Variants in CABIN1 observed in about 807,000 individuals in gnomAD.
CABIN1 encodes the protein calcineurin-binding protein cabin-1.
In CABIN1, 133 loss-of-function variants were observed where a neutral mutation model predicts 227.7. The observed-to-expected ratio is 0.58, with a 90% CI of 0.51 to 0.67. CABIN1 has a LOEUF of 0.67. Among genes scored for constraint, CABIN1 ranks in the 30% least tolerant of loss-of-function variants. The probability of loss-of-function intolerance (pLI) is 0.00; values close to 1 mark genes in which losing one functional copy is unlikely to be tolerated. For missense variants in CABIN1, 2,408 were observed against 2,852.5 expected (o/e 0.84, Z 3.55); for synonymous variants, 1,086 against 1,155.1 (o/e 0.94, Z 1.21).
intron 29 of CABIN1, among the ~76,000 whole-genome samples, chr22:24,150,142 G>A (rs1295043379): frequency 6.6e-6 from 1 of 152,200 alleles, no homozygotes; most frequent in Non-Finnish European, 1.5e-5. Flanking sequence ...GTAAGAGGGA[G>A]GGCTCCAACT....
intron 29 of CABIN1, among the ~76,000 whole-genome samples, chr22:24,134,879 A>G (rs542996449): frequency 5.3e-5 from 8 of 151,912 alleles, no homozygotes; most frequent in Admixed American, 1.3e-4. Flanking sequence ...GGAGTTCGAG[A>G]CCAGCCTGGC....
intron 26 of CABIN1, among the ~76,000 whole-genome samples, chr22:24,106,207 C>T (rs1326331524): frequency 6.6e-6 from 1 of 152,208 alleles, no homozygotes; most frequent in African/African-American, 2.4e-5. Flanking sequence ...GGGGTCCTAC[C>T]CCAGAGAAGA....
intron 27 of CABIN1, 113 bp downstream of exon 27, chr22:24,113,861 T>A (rs1375631325): frequency 8.9e-7 from 1 of 1,121,916 alleles, no homozygotes; most frequent in African/African-American, 1.5e-5. Context: ...ACTTACTCCC[T>A]GGGCCTCCAT....
intron 1 of CABIN1, among the ~76,000 whole-genome samples, chr22:24,030,906 CAAAG>C (rs2036447024): frequency 6.6e-6 from 1 of 152,166 alleles, no homozygotes; most frequent in African/African-American, 2.4e-5. Flanking sequence ...GTCCTGGAGA[CAAAG>C]AAGCATATGC....
chr22:24,170,658 A>G (rs1430042845), intron 33 of CABIN1, among the ~76,000 whole-genome samples: 1 of 151,994 alleles, frequency 6.6e-6, no homozygotes, highest in Admixed American at 6.6e-5. Context: ...GGCAGAGTCC[A>G]CAGGGGCCCG....
rs1251306748 is a variant in CABIN1 at position 24,051,349 on chromosome 22, A to G, written c.806+375A>G. ...GTACTTAAATGGGGAGCCCAGAGAC[A>G]GTCCCGGGTCTGGGCTTCTCCGCTC... On this transcript the variant is annotated intron_variant, in intron 8 of 36. Transcript: ENST00000263119. 2.6e-5 allele frequency among the ~76,000 whole-genome samples: 4 copies of G among 152,186 alleles called. No homozygotes were observed. The South Asian group carries it at 6.2e-4, about 24-fold the overall frequency.
chr22:24,047,846 T>C (rs541848269), intron 6 of CABIN1, among the ~76,000 whole-genome samples: 12 of 152,374 alleles, frequency 7.9e-5, no homozygotes, highest in African/African-American at 2.6e-4. Context: ...ACTGAGAAGC[T>C]GGGCAGGGCA....
chr22:24,121,332 C>G (rs758921075), intron 28 of CABIN1, among the ~76,000 whole-genome samples: 1 of 152,184 alleles, frequency 6.6e-6, no homozygotes, highest in South Asian at 2.1e-4. Context: ...CCACAGTGAC[C>G]GGTATGCTCA....
intron 6 of CABIN1, 107 bp from the exon 7 acceptor site, chr22:24,048,984 C>A: frequency 7.7e-7 from 1 of 1,299,624 alleles, no homozygotes; most frequent in Non-Finnish European, 1.1e-6. Context: ...TATTTTTTAC[C>A]AGGCATTTCT....
rs928274785 is a variant in CABIN1, at chr22:24,070,863, G to A, written c.2296G>A (p.Glu766Lys). 3.1e-6 allele frequency: 5 copies of A among 1,614,128 alleles called. No individual in the cohort carries two copies. Among genetic ancestry groups the A allele is most frequent in the African/African-American group, 1.3e-5 (1 of 74,952 alleles). ...TGAGTGTTCCGATGTGGCTCTGAAC[G>A]AGGCTGTCCAGCAGATGGTGAACTC... ...CFECSDVALN[E>K]AVQQMVNSGE... Residue 766 changes from glutamate (E) to lysine (K), a missense_variant, in exon 17 of 37, where the codon GAG (glutamate) becomes AAG (lysine). Glu to Lys is a moderately conservative substitution (Grantham distance 56). Around this residue, in one of 3 missense-constraint regions of CABIN1, gnomAD observed 1,045 missense variants for 1,168.4 expected, o/e 0.89. Coordinates refer to ENST00000263119, the MANE Select transcript of CABIN1 (RefSeq NM_012295.4).
At position 24,083,217 on chromosome 22, in the gene CABIN1, G is replaced by C; in HGVS notation, c.2749-11G>C. 6.2e-7 allele frequency: 1 copy of C among 1,611,998 alleles called. No homozygotes were observed. Among genetic ancestry groups the C allele is most frequent in the Non-Finnish European group, 8.5e-7 (1 of 1,179,908 alleles). On this transcript the variant is annotated splice_polypyrimidine_tract_variant and intron_variant, in intron 19 of 36. Transcript: ENST00000263119. ...GCCCTCACCTCAGGCCATCTCTTCTGCCCACCACAGGTGCGAGTACTCCAG... is the reference window on the plus strand; with the variant it reads ...GCCCTCACCTCAGGCCATCTCTTCTCCCCACCACAGGTGCGAGTACTCCAG...
chr22:24,091,643 C>G lies in CABIN1; in HGVS notation c.3586C>G (p.Arg1196Gly). ...CAAGCACTGTTTCACATCAGCAGCC[C>G]GCTGCGAGGGTGATGGTGACGAGGA... ...TAKHCFTSAA[R>G]CEGDGDEEEW... Residue 1196 changes from arginine (R) to glycine (G), a missense_variant, in exon 24 of 37, where the codon CGC becomes GGC. Physicochemically the swap from Arg to Gly is moderately radical, Grantham distance 125. Around this residue, in one of 3 missense-constraint regions of CABIN1, gnomAD observed 649 missense variants for 910.3 expected, o/e 0.71. Coordinates refer to ENST00000263119, the MANE Select transcript of CABIN1 (RefSeq NM_012295.4). The G allele has an allele frequency of 6.2e-7, 1 of 1,614,210 alleles. No individual in the cohort carries two copies. Among genetic ancestry groups the G allele is most frequent in the Non-Finnish European group, 8.5e-7 (1 of 1,180,034 alleles).
Position 24,177,719 on chromosome 22 carries a change from G to A in CABIN1, c.6421G>A (p.Ala2141Thr), listed in dbSNP as rs780211036. ...GCCAAAGCTGGTCATCCCCTCCGCC[G>A]CCACCAAGTTCCCCCCTGAGATCAC... Reference protein sequence around the residue: ...NMPKLVIPSAATKFPPEITVT... With the variant: ...NMPKLVIPSATTKFPPEITVT... Residue 2141 changes from alanine (A) to threonine (T), a missense_variant, in exon 36 of 37, where the codon GCC becomes ACC. Transcript: ENST00000263119. This position sits in a 1 kb window ranked among gnomAD's most constrained non-coding sequence, Gnocchi z 4.4. 29 of 1,612,608 alleles carry A rather than the reference G, an allele frequency of 1.8e-5. No homozygotes were observed. The highest frequency in any genetic ancestry group is 1.1e-4 in the East Asian group (5 of 44,840).
At chr22:24,065,875 A>G (rs1254952122) in intron 15 of CABIN1, among the ~76,000 whole-genome samples, 1 of 152,222 alleles carries the variant, frequency 6.6e-6, no homozygotes, top group Non-Finnish European at 1.5e-5. Context: ...GTGGCGGCGC[A>G]CGCCTGCAAT....
chr22:24,049,134 G>T lies in CABIN1; in HGVS notation c.570G>T (p.Arg190=). ...FICKALEKDC[R]YSKGLVLKEK... is the part of the protein sequence containing the mutation. Reference sequence around the variant, plus strand: ...GCAAAGCTTTGGAGAAGGATTGCCGGTACAGCAAAGGGCTGGTCCTCAAGG... The same window carrying T: ...GCAAAGCTTTGGAGAAGGATTGCCGTTACAGCAAAGGGCTGGTCCTCAAGG... The change falls in exon 7 of 37, where the codon CGG becomes CGT. Residue 190 remains arginine (R), a synonymous_variant. Coordinates refer to ENST00000263119, the MANE Select transcript of CABIN1 (RefSeq NM_012295.4). 1 of 1,614,122 alleles carries T rather than the reference G, an allele frequency of 6.2e-7. No homozygotes were observed. The highest frequency in any genetic ancestry group is 8.5e-7 in the Non-Finnish European group (1 of 1,180,018).
chr22:24,177,952 G>A lies in CABIN1; in HGVS notation c.6520-101G>A, dbSNP rs530073572. Reference sequence around the variant, plus strand: ...TGGCATAGGGGCCTGGGGCAGGGGTGAGGGTGGGAGGGGGGCCTGGGGCAG... The same window carrying A: ...TGGCATAGGGGCCTGGGGCAGGGGTAAGGGTGGGAGGGGGGCCTGGGGCAG... On this transcript the variant is annotated intron_variant, in intron 36 of 36. Coordinates refer to ENST00000263119, the MANE Select transcript of CABIN1 (RefSeq NM_012295.4). This position sits in a 1 kb window ranked among gnomAD's most constrained non-coding sequence, Gnocchi z 4.4. 498 of 1,559,852 alleles carry A rather than the reference G, an allele frequency of 3.2e-4. 4 individuals are homozygous for A. In the South Asian group the frequency reaches 5.4e-3, roughly 17 times the overall value.
chr22:24,127,206 C>T (rs1312339526), intron 28 of CABIN1, among the ~76,000 whole-genome samples: 1 of 152,100 alleles, frequency 6.6e-6, no homozygotes, highest in Non-Finnish European at 1.5e-5. Flanking sequence ...GAAGGAGCAA[C>T]TTACACAGGC....
chr22:24,023,416 G>A (rs1026837529), intron 1 of CABIN1, among the ~76,000 whole-genome samples: 1 of 152,172 alleles, frequency 6.6e-6, no homozygotes, highest in African/African-American at 2.4e-5. Flanking sequence ...GAATTGCTGG[G>A]TCATGTAGCA....
chr22:24,038,429 C>T lies in CABIN1; in HGVS notation c.178C>T (p.His60Tyr). 1 of 1,614,008 alleles carries T rather than the reference C, an allele frequency of 6.2e-7. No individual in the cohort carries two copies. Among genetic ancestry groups the T allele is most frequent in the Non-Finnish European group, 8.5e-7 (1 of 1,179,944 alleles). ...GTTTGAGGAGTCTGCCAAAGCCTAC[C>T]ATGAGCTCTTGGAGGCGAGCCTGCT... ...DRFEESAKAY[H>Y]ELLEASLLRE... Residue 60 changes from histidine (H) to tyrosine (Y), a missense_variant, in exon 4 of 37, where the codon CAT becomes TAT. His to Tyr is a moderately conservative substitution (Grantham distance 83). This residue lies in a region of CABIN1 where 1,045 missense variants were observed against 1,168.4 expected (regional missense o/e 0.89). Coordinates refer to ENST00000263119, the MANE Select transcript of CABIN1 (RefSeq NM_012295.4).
Sources: gnomAD v4.1 joint callset for allele counts (sites outside exome capture counted in the v4.1 genomes callset) on GRCh38, gnomAD v4.1.1 for gene constraint, gnomAD v4.1.1 regional missense constraint, Gnocchi (gnomAD v3.1) non-coding constraint, MANE v1.5 for transcripts, NCBI Gene and HGNC (gene_info 2026-07-23, HGNC 2026-07-21) for gene names.